Variants in COL11A2 observed in about 807,000 individuals in gnomAD.
COL11A2 encodes the protein collagen alpha-2(XI) chain.
A neutral mutation model predicts 273.4 loss-of-function variants in COL11A2; 116 were observed. That is an observed-to-expected ratio of 0.42 (90% CI 0.36 to 0.49). The LOEUF (loss-of-function observed/expected upper bound fraction) is 0.49. COL11A2 is among the 20% of genes least tolerant of loss of function. The probability of loss-of-function intolerance (pLI) is 0.00; values close to 1 mark genes in which losing one functional copy is unlikely to be tolerated. For missense variants in COL11A2, 1,866 were observed against 2,309.0 expected, an observed-to-expected ratio of 0.81 and a Z score of 3.93; for synonymous variants, 782 against 864.2, an observed-to-expected ratio of 0.90 and a Z score of 1.67.
At position 33,189,406 on chromosome 6, in the gene COL11A2, C is replaced by G; in HGVS notation, c.146G>C (p.Arg49Thr). Residue 49 changes from arginine (R) to threonine (T), a missense_variant, in exon 2 of 66, where the codon AGA becomes ACA. Physicochemically the swap from Arg to Thr is moderately conservative, Grantham distance 71. Coordinates refer to ENST00000341947, the MANE Select transcript of COL11A2 (RefSeq NM_080680.3). This position sits in a 1 kb window ranked among gnomAD's most constrained non-coding sequence, Gnocchi z 5.6. ...RFPSLPDGVR[R>T]AKGICPADVA... ...ATCAGCTGGACAGATGCCTTTCGCT[C>G]TCCGGACACCATCAGGGAGGGAGGG... The G allele has an allele frequency of 6.2e-7, 1 of 1,613,170 alleles. No homozygotes were observed. Among genetic ancestry groups the G allele is most frequent in the South Asian group, 1.1e-5 (1 of 91,090 alleles).
intron 30 of COL11A2, 154 bp downstream of exon 30, chr6:33,175,420 C>T: frequency 1.4e-6 from 1 of 718,642 alleles, no homozygotes; most frequent in Non-Finnish European, 2.5e-6. Context: ...TGCCCATCAG[C>T]AGCTGAGAGA....
Position 33,179,308 on chromosome 6 carries a change from C to T in COL11A2, c.1504-24G>A. On this transcript the variant is annotated intron_variant, in intron 14 of 65. Coordinates refer to ENST00000341947, the MANE Select transcript of COL11A2 (RefSeq NM_080680.3). This position sits in a 1 kb window ranked among gnomAD's most constrained non-coding sequence, Gnocchi z 6.4. ...CCCTGGGAGAGAGAAGAGAGGATGGCCGTAAGGAAGGACACAGCCAACAGT... is the reference window on the plus strand; with the variant it reads ...CCCTGGGAGAGAGAAGAGAGGATGGTCGTAAGGAAGGACACAGCCAACAGT... 6.2e-7 allele frequency: 1 copy of T among 1,604,770 alleles called. No homozygotes were observed. The highest frequency in any genetic ancestry group is 2.2e-5 in the East Asian group (1 of 44,604).
rs369462993 is a variant in COL11A2 at position 33,179,243 on chromosome 6, G to A, written c.1545C>T (p.Asp515=). 1 of 1,612,164 alleles carries A rather than the reference G, an allele frequency of 6.2e-7. No individual in the cohort carries two copies. Residue 515 remains aspartate (D), a synonymous_variant, in exon 15 of 66, where the codon GAC becomes GAT. Coordinates refer to ENST00000341947, the MANE Select transcript of COL11A2 (RefSeq NM_080680.3). The surrounding 1 kb of genome is among the most constrained non-coding windows in gnomAD (Gnocchi z 6.4). ...GGAAAGTGGTCACCTGAGGTCCTAA[G>A]TCTCCAGACTCTCCTTTCAGGCCAG... ...GSPGLKGESG[D]LGPQGPRGPQ...
chr6:33,178,491 G>A lies in COL11A2; in HGVS notation c.1720-3C>T. 6.2e-7 allele frequency: 1 copy of A among 1,612,842 alleles called. No individual in the cohort carries two copies. The highest frequency in any genetic ancestry group is 8.5e-7 in the Non-Finnish European group (1 of 1,179,922). On this transcript the variant is annotated splice_region_variant and splice_polypyrimidine_tract_variant and intron_variant, in intron 18 of 65. Transcript: ENST00000341947. This position sits in a 1 kb window ranked among gnomAD's most constrained non-coding sequence, Gnocchi z 4.6. Reference sequence around the variant, plus strand: ...AGGCCCTGGGCACCAGTATCACCCTGCAAAATGGGGGAACTCATAAGAGGG... The same window carrying A: ...AGGCCCTGGGCACCAGTATCACCCTACAAAATGGGGGAACTCATAAGAGGG...
rs142890313 is a variant in COL11A2 at position 33,167,508 on chromosome 6, G to A, written c.4040C>T (p.Pro1347Leu). 48 of 1,612,610 alleles carry A rather than the reference G, an allele frequency of 3.0e-5. No homozygotes were observed. Among genetic ancestry groups the A allele is most frequent in the Admixed American group, 2.2e-4 (13 of 59,990 alleles). ...AGGACCCACCGGGCCTGTCTTCCCCGGGGCACCTATAGCGCCAGGATCTCC... is the reference window on the plus strand; with the variant it reads ...AGGACCCACCGGGCCTGTCTTCCCCAGGGCACCTATAGCGCCAGGATCTCC... ...AKGDPGAIGA[P>L]GKTGPVGPAG... is the part of the protein sequence containing the mutation. Residue 1347 changes from proline to leucine, a missense_variant, in exon 56 of 66, where the codon CCG (proline) becomes CTG (leucine). Pro to Leu is a moderately conservative substitution (Grantham distance 98). Transcript: ENST00000341947. The surrounding 1 kb of genome is among the most constrained non-coding windows in gnomAD (Gnocchi z 6.1).
At position 33,179,703 on chromosome 6, in the gene COL11A2, A is replaced by G. The variant is rs538773218; in HGVS notation, c.1446+16T>C. 14 of 1,610,794 alleles carry G rather than the reference A, an allele frequency of 8.7e-6. No homozygotes were observed. The African/African-American group carries it at 1.7e-4, about 20-fold the overall frequency. ...CCCCCAGAGCCTTCCCTTTCCAGGG[A>G]AGCAGCCCCACTCACCCTCGCCTGC... On this transcript the variant is annotated intron_variant, in intron 13 of 65. Transcript: ENST00000341947. The surrounding 1 kb of genome is among the most constrained non-coding windows in gnomAD (Gnocchi z 6.4).
chr6:33,177,725 G>A lies in COL11A2; in HGVS notation c.1873-19C>T, dbSNP rs1239528631. 6.2e-7 allele frequency: 1 copy of A among 1,612,946 alleles called. No homozygotes were observed. Among genetic ancestry groups the A allele is most frequent in the Non-Finnish European group, 8.5e-7 (1 of 1,179,996 alleles). On this transcript the variant is annotated intron_variant, in intron 21 of 65. Coordinates refer to ENST00000341947, the MANE Select transcript of COL11A2 (RefSeq NM_080680.3). The surrounding 1 kb of genome is among the most constrained non-coding windows in gnomAD (Gnocchi z 5.9). ...GGACGCCCTGAAACACAAGATGGGT[G>A]TGAGCAGCCTGAAGGTGGCCCGGAG...
chr6:33,179,032 C>T lies in COL11A2; in HGVS notation c.1611+41G>A. 1 of 1,614,040 alleles carries T rather than the reference C, an allele frequency of 6.2e-7. No homozygotes were observed. The highest frequency in any genetic ancestry group is 8.5e-7 in the Non-Finnish European group (1 of 1,179,960). ...GGCCGCAGTCCCCTACCCTGCAGGC[C>T]CTGTCTCCCCACAACACCCATCCAC... On this transcript the variant is annotated intron_variant, in intron 16 of 65. Transcript: ENST00000341947. This position sits in a 1 kb window ranked among gnomAD's most constrained non-coding sequence, Gnocchi z 6.4.
rs909899458 is a variant in COL11A2 at position 33,172,079 on chromosome 6, C to T, written c.3013G>A (p.Glu1005Lys). 2 of 1,612,804 alleles carry T rather than the reference C, an allele frequency of 1.2e-6. No individual in the cohort carries two copies. Among genetic ancestry groups the T allele is most frequent in the African/African-American group, 2.7e-5 (2 of 74,872 alleles). Reference sequence around the variant, plus strand: ...GGGCCAGGGGGGCCAGACGGACCTTCATTCCCCTTCAAACCAGGTCCACCC... The same window carrying T: ...GGGCCAGGGGGGCCAGACGGACCTTTATTCCCCTTCAAACCAGGTCCACCC... ...TAGGPGLKGNEGPSGPPGPAG... is the reference protein window; with the variant it reads ...TAGGPGLKGNKGPSGPPGPAG... The change falls in exon 41 of 66, where the codon GAA (glutamate) becomes AAA (lysine). Residue 1005 changes from glutamate (E) to lysine (K), a missense_variant. Transcript: ENST00000341947.
chr6:33,165,729 C>T lies in COL11A2; in HGVS notation c.4570G>A (p.Glu1524Lys). ...CCCCCGGTCGGTATGGCCTCATCTT[C>T]CTGCATCAGACGGCTTCCATCCACC... Reference protein sequence around the residue: ...RSVDGSRLMQEDEAIPTGGAP... With the variant: ...RSVDGSRLMQKDEAIPTGGAP... Residue 1524 changes from glutamate to lysine, a missense_variant, in exon 63 of 66, where the codon GAA (glutamate) becomes AAA (lysine). Glu to Lys is a moderately conservative substitution (Grantham distance 56, BLOSUM62 1). Transcript: ENST00000341947. The surrounding 1 kb of genome is among the most constrained non-coding windows in gnomAD (Gnocchi z 7.7). The T allele has an allele frequency of 1.2e-6, 2 of 1,611,520 alleles. No homozygotes were observed. The highest frequency in any genetic ancestry group is 1.7e-6 in the Non-Finnish European group (2 of 1,180,002).
intron 4 of COL11A2, 108 bp from the exon 5 acceptor site, chr6:33,186,926 G>C: frequency 1.3e-6 from 2 of 1,482,664 alleles, no homozygotes; most frequent in Non-Finnish European, 1.9e-6. Context: ...CCTAAGATGG[G>C]AGAAGGTCAC....
Position 33,180,963 on chromosome 6 carries a change from C to T in COL11A2, c.1221+1G>A. Reference sequence around the variant, plus strand: ...GGCCACCAGGTCACTGCTAGACTTACCGCAGGGCCTTCTGGGCCAGGGGGC... The same window carrying T: ...GGCCACCAGGTCACTGCTAGACTTATCGCAGGGCCTTCTGGGCCAGGGGGC... On this transcript the variant is annotated splice_donor_variant, in intron 10 of 65. Coordinates refer to ENST00000341947, the MANE Select transcript of COL11A2 (RefSeq NM_080680.3). LOFTEE classifies it high-confidence loss of function. The T allele has an allele frequency of 6.2e-7, 1 of 1,613,978 alleles. No individual in the cohort carries two copies. Among genetic ancestry groups the T allele is most frequent in the Non-Finnish European group, 8.5e-7 (1 of 1,179,936 alleles).
At position 33,179,644 on chromosome 6, in the gene COL11A2, G is replaced by A; in HGVS notation, c.1446+75C>T. 6.4e-7 allele frequency: 1 copy of A among 1,560,988 alleles called. No individual in the cohort carries two copies. Among genetic ancestry groups the A allele is most frequent in the Non-Finnish European group, 8.8e-7 (1 of 1,141,746 alleles). On this transcript the variant is annotated intron_variant, in intron 13 of 65. Coordinates refer to ENST00000341947, the MANE Select transcript of COL11A2 (RefSeq NM_080680.3). This position sits in a 1 kb window ranked among gnomAD's most constrained non-coding sequence, Gnocchi z 6.4. ...CCCCAAACCAACCCAGGCCTCCCCT[G>A]CCGCACACTCACTCCAGCCAACCCT...
Position 33,176,691 on chromosome 6 carries a change from C to A in COL11A2, c.2115+30G>T. 1 of 1,608,428 alleles carries A rather than the reference C, an allele frequency of 6.2e-7. No individual in the cohort carries two copies. The highest frequency in any genetic ancestry group is 8.5e-7 in the Non-Finnish European group (1 of 1,176,328). ...GCTCTAGAGTCTGAGTGGAGACTCC[C>A]TCAGGGGATAAAGACATGGAAGATC... is the stretch of plus-strand genomic sequence containing the variant. On this transcript the variant is annotated intron_variant, in intron 26 of 65. Transcript: ENST00000341947. The surrounding 1 kb of genome is among the most constrained non-coding windows in gnomAD (Gnocchi z 4.9).
Position 33,192,299 on chromosome 6 carries a change from C to A in COL11A2, c.-59G>T. 2 of 1,481,548 alleles carry A rather than the reference C, an allele frequency of 1.3e-6. No individual in the cohort carries two copies. The highest frequency in any genetic ancestry group is 1.2e-5 in the South Asian group (1 of 82,664). The allele number at this position is 1,481,548 out of a possible 1,614,324, so 91.8% of individuals were successfully genotyped here. A position where few individuals can be genotyped will look rare whatever the true frequency, so the allele number is the denominator to read the frequency against. On this transcript the variant is annotated 5_prime_UTR_variant, in exon 1 of 66. Transcript: ENST00000341947. ...CCAGGTCGGCCTGAGACGCTGGATG[C>A]CCTGAGGCTGACAGAAGACAGGGAG...
chr6:33,174,427 T>C, intron 31 of COL11A2, 100 bp downstream of exon 31: 1 of 1,487,396 alleles, frequency 6.7e-7, no homozygotes, highest in Non-Finnish European at 9.2e-7. Flanking sequence ...CCCTCTGGGG[T>C]CCCCCACTGC....
upstream of COL11A2, among the ~76,000 whole-genome samples, chr6:33,193,128 AG>A (rs1350910447): frequency 6.6e-6 from 1 of 152,060 alleles, no homozygotes; most frequent in African/African-American, 2.4e-5. Flanking sequence ...ATGAGCGAGC[AG>A]TCGACTCTGG....
Position 33,169,144 on chromosome 6 carries a change from C to T in COL11A2, c.3799-136G>A, listed in dbSNP as rs559759807. 2 of 850,204 alleles carry T rather than the reference C, an allele frequency of 2.4e-6. No homozygotes were observed. Among genetic ancestry groups the T allele is most frequent in the Admixed American group, 2.6e-5 (1 of 37,876 alleles). 52.7% of individuals were successfully genotyped at this position (850,204 alleles called of 1,614,324 possible). A position where few individuals can be genotyped will look rare whatever the true frequency, so the allele number is the denominator to read the frequency against. ...CCCCAGGAAGAGGTCTCCTGCACCC[C>T]TTTCCCTACCACGTGCACTGCGTGT... On this transcript the variant is annotated intron_variant, in intron 51 of 65. Transcript: ENST00000341947. The surrounding 1 kb of genome is among the most constrained non-coding windows in gnomAD (Gnocchi z 5.5).
chr6:33,171,515 A>T lies in COL11A2; in HGVS notation c.3210T>A (p.Leu1070=). 1 of 1,613,686 alleles carries T rather than the reference A, an allele frequency of 6.2e-7. No homozygotes were observed. The highest frequency in any genetic ancestry group is 1.3e-5 in the African/African-American group (1 of 74,908). The stretch of plus-strand genomic sequence containing the variant: ...CACCTGGAGGCCCAGCAGGACCAGG[A>T]AGCCCCACAGGACCCTGCACTCCAT... The part of the protein sequence containing the change: ...GRDGVQGPVG[L]PGPAGPPGVA... Residue 1070 remains leucine (L), a synonymous_variant, in exon 43 of 66, where the codon CTT becomes CTA. Coordinates refer to ENST00000341947, the MANE Select transcript of COL11A2 (RefSeq NM_080680.3).
Sources: allele counts gnomAD v4.1 joint callset (sites outside exome capture counted in the v4.1 genomes callset), GRCh38; gene constraint gnomAD v4.1.1; non-coding constraint Gnocchi (gnomAD v3.1); transcripts MANE v1.5; gene names NCBI Gene and HGNC (gene_info 2026-07-23, HGNC 2026-07-21).